VPS35L: variants seen among roughly 807,000 people sequenced by gnomAD.
VPS35L encodes the protein VPS35 endosomal protein sorting factor like, also known as VPS35 endosomal protein-sorting factor-like.
A neutral mutation model predicts 133.0 loss-of-function variants in VPS35L; 83 were observed. The ratio of observed to expected loss-of-function variants is 0.62; its 90% CI spans 0.52 to 0.75. The LOEUF (loss-of-function observed/expected upper bound fraction) is 0.75. VPS35L is among the 30% of genes least tolerant of loss of function. VPS35L has a pLI of 0.00. For synonymous variants in VPS35L, 423 were observed against 449.9 expected (o/e 0.94, Z 0.76); for missense variants, 1,083 against 1,206.8 (o/e 0.90, Z 1.52).
At chr16:19,653,808 G>A (rs1014913537) in intron 26 of VPS35L, among the ~76,000 whole-genome samples, 33 of 152,214 alleles carry the variant, frequency 2.2e-4, no homozygotes, top group African/African-American at 7.7e-4. Context: ...GGGATCATCT[G>A]TGTCATGATT....
At position 19,668,978 on chromosome 16, in the gene VPS35L, C is replaced by G. The variant is rs534947027; in HGVS notation, c.2222-182C>G. Among the ~76,000 whole-genome samples, 4 of 152,306 alleles carry G rather than the reference C, an allele frequency of 2.6e-5. No individual in the cohort carries two copies. The South Asian group carries it at 8.3e-4, about 32-fold the overall frequency. The stretch of plus-strand genomic sequence containing the variant: ...GAGGTTCTCTGAGCTGAAGCAGTGC[C>G]CTGTCAAGCAAATATTCCTCCAGCT... On this transcript the variant is annotated intron_variant, in intron 26 of 30. Transcript: ENST00000417362.
intron 3 of VPS35L, among the ~76,000 whole-genome samples, 192 bp from the exon 4 acceptor site, chr16:19,572,927 G>C (rs1971426940): frequency 6.6e-6 from 1 of 152,078 alleles, no homozygotes; most frequent in South Asian, 2.1e-4. Context: ...CGTCCACCTT[G>C]GCCTCCCAAA....
At chr16:19,638,599 G>A (rs1404951042) in intron 20 of VPS35L, among the ~76,000 whole-genome samples, 1 of 152,180 alleles carries the variant, frequency 6.6e-6, no homozygotes, top group African/African-American at 2.4e-5. Flanking sequence ...TGCACTTTGG[G>A]AGCATCATTA....
rs1157209003 is a variant in VPS35L, at chr16:19,699,245, G to A, written c.2647-257G>A. On this transcript the variant is annotated intron_variant, in intron 29 of 30. Coordinates refer to ENST00000417362, the MANE Select transcript of VPS35L (RefSeq NM_020314.7). This position sits in a 1 kb window ranked among gnomAD's most constrained non-coding sequence, Gnocchi z 4.2. ...CTGGTGAGTTTCTTCCATTTCATGA[G>A]TAATGACCATCTGTGGGCACAGAGC... 2 of 411,394 alleles carry A rather than the reference G, an allele frequency of 4.9e-6. No homozygotes were observed. The highest frequency in any genetic ancestry group is 3.5e-5 in the Admixed American group (1 of 28,972). The allele number at this position is 411,394 out of a possible 1,614,324, so 25.5% of individuals were successfully genotyped here.
chr16:19,695,143 G>A lies in VPS35L; in HGVS notation c.2646+3672G>A, dbSNP rs148835371. 2.5e-3 allele frequency among the ~76,000 whole-genome samples: 376 copies of A among 152,252 alleles called. 2 individuals are homozygous for A. The highest frequency in any genetic ancestry group is 8.4e-3 in the African/African-American group (351 of 41,556). On this transcript the variant is annotated intron_variant, in intron 29 of 30. Coordinates refer to ENST00000417362, the MANE Select transcript of VPS35L (RefSeq NM_020314.7). ...TCTTGAAACCATTGGTTCTGGCTCC[G>A]CCCTCTAGTCCAGGGACCTCTTAGA...
At chr16:19,623,207 A>G (rs1973139664) in intron 14 of VPS35L, among the ~76,000 whole-genome samples, 1 of 135,688 alleles carries the variant, frequency 7.4e-6, no homozygotes, top group African/African-American at 2.7e-5. Context: ...TCCCTTAACA[A>G]AATACCCAGA....
chr16:19,602,355 C>T (rs536213971), intron 9 of VPS35L, among the ~76,000 whole-genome samples: 1 of 152,236 alleles, frequency 6.6e-6, no homozygotes, highest in South Asian at 2.1e-4. Flanking sequence ...CTCATCCGTC[C>T]AAGCTAGAGC....
At position 19,699,529 on chromosome 16, in the gene VPS35L, C is replaced by G; in HGVS notation, c.2674C>G (p.Leu892Val). 6.2e-7 allele frequency: 1 copy of G among 1,614,168 alleles called. No homozygotes were observed. Among genetic ancestry groups the G allele is most frequent in the Non-Finnish European group, 8.5e-7 (1 of 1,180,020 alleles). The change falls in exon 30 of 31, where the codon CTT (leucine) becomes GTT (valine). Residue 892 changes from leucine to valine, a missense_variant. Physicochemically the swap from Leu to Val is conservative, Grantham distance 32. Transcript: ENST00000417362. This position sits in a 1 kb window ranked among gnomAD's most constrained non-coding sequence, Gnocchi z 4.2. ...EALKRQSSLG[L>V]SFFNSILAHG... ...CCTGAAGCGCCAGAGCTCGTTGGGCCTTTCCTTCTTTAACAGCATCTTGGC... is the reference window on the plus strand; with the variant it reads ...CCTGAAGCGCCAGAGCTCGTTGGGCGTTTCCTTCTTTAACAGCATCTTGGC...
At chr16:19,619,556 G>A (rs919116330) in intron 14 of VPS35L, among the ~76,000 whole-genome samples, 4 of 152,024 alleles carry the variant, frequency 2.6e-5, no homozygotes, top group African/African-American at 9.7e-5. Context: ...GGTGAAATGA[G>A]AACGCTTTTT....
intron 2 of VPS35L, among the ~76,000 whole-genome samples, chr16:19,567,631 G>A (rs528613837): frequency 8.5e-5 from 13 of 152,126 alleles, no homozygotes; most frequent in East Asian, 7.7e-4. Flanking sequence ...AGCCATCGCC[G>A]GCAGTTGGCA....
chr16:19,605,137 T>A (rs1221052055), intron 9 of VPS35L, among the ~76,000 whole-genome samples: 1 of 152,170 alleles, frequency 6.6e-6, no homozygotes. Flanking sequence ...CCTATAACAC[T>A]GTTACGTAAA....
chr16:19,690,065 A>C (rs1210722249), intron 28 of VPS35L, among the ~76,000 whole-genome samples: 1 of 152,030 alleles, frequency 6.6e-6, no homozygotes, highest in Admixed American at 6.6e-5. Flanking sequence ...GGCGTGAGCT[A>C]CCAAACACAG....
At chr16:19,590,590 G>T (rs1972013802) in intron 7 of VPS35L, among the ~76,000 whole-genome samples, 1 of 152,138 alleles carries the variant, frequency 6.6e-6, no homozygotes, top group African/African-American at 2.4e-5. Flanking sequence ...GCCACATTGT[G>T]TGACTGCGGT....
intron 27 of VPS35L, among the ~76,000 whole-genome samples, chr16:19,677,073 T>TC (rs1216378557): frequency 6.6e-6 from 1 of 151,032 alleles, no homozygotes; most frequent in East Asian, 1.9e-4. Flanking sequence ...TTTTTTCTTT[T>TC]TTTTTTTTTT....
chr16:19,560,400 A>T (rs1970990742), intron 1 of VPS35L, among the ~76,000 whole-genome samples: 5 of 152,222 alleles, frequency 3.3e-5, no homozygotes, highest in Admixed American at 2.0e-4. Flanking sequence ...TCCAATAGGG[A>T]CAGAAAACAC....
chr16:19,588,173 A>ATGTATGTATGTG (rs1228335681), intron 7 of VPS35L, among the ~76,000 whole-genome samples: 2 of 149,820 alleles, frequency 1.3e-5, no homozygotes, highest in Non-Finnish European at 3.0e-5. Flanking sequence ...GTATGTATGT[A>ATGTATGTATGTG]TGTATGTATG....
intron 23 of VPS35L, among the ~76,000 whole-genome samples, chr16:19,646,396 C>CGGT (rs1973949606): frequency 6.6e-6 from 1 of 152,114 alleles, no homozygotes; most frequent in South Asian, 2.1e-4. Flanking sequence ...AGGCCAGGCG[C>CGGT]GGTGGCTCAC....
rs768432545 is a variant in VPS35L at position 19,575,993 on chromosome 16, T to TA, written c.433+894dup. Reference sequence around the variant, plus strand: ...CAACAATGTGAAACTCCATCTCTACTAAAAAAAAAAAAAAAAAAAAAAATT... The same window carrying TA: ...CAACAATGTGAAACTCCATCTCTACTAAAAAAAAAAAAAAAAAAAAAAAATT... On this transcript the variant is annotated intron_variant, in intron 5 of 30. Coordinates refer to ENST00000417362, the MANE Select transcript of VPS35L (RefSeq NM_020314.7). Among the ~76,000 whole-genome samples the TA allele has an allele frequency of 5.0e-3, 417 of 82,908 alleles. 4 individuals are homozygous for TA. Among genetic ancestry groups the TA allele is most frequent in the East Asian group, 0.021 (61 of 2,846 alleles). 54.4% of individuals were successfully genotyped at this position (82,908 alleles called of 152,430 possible).
At chr16:19,700,343 C>A in intron 30 of VPS35L, 35 bp from the exon 31 acceptor site, 1 of 1,560,006 alleles carries the variant, frequency 6.4e-7, no homozygotes, top group Admixed American at 1.7e-5. Context: ...GGATAATGAA[C>A]CAGAAAGGAG....
Sources: gnomAD v4.1 joint callset for allele counts (sites outside exome capture counted in the v4.1 genomes callset) on GRCh38, gnomAD v4.1.1 for gene constraint, Gnocchi (gnomAD v3.1) non-coding constraint, MANE v1.5 for transcripts, NCBI Gene and HGNC (gene_info 2026-07-23, HGNC 2026-07-21) for gene names.